TF: variants seen among roughly 807,000 people sequenced by gnomAD.
TF encodes the protein transferrin, also known as serotransferrin.
In TF, 55 loss-of-function variants were observed where a neutral mutation model predicts 82.4. The ratio of observed to expected loss-of-function variants is 0.67; its 90% confidence interval spans 0.54 to 0.84. The LOEUF (loss-of-function observed/expected upper bound fraction) is 0.84, where lower values mean the gene tolerates loss of function less well. TF is among the 40% of genes least tolerant of loss of function. TF has a pLI of 0.00. For synonymous variants in TF, 332 were observed against 332.6 expected (o/e 1.00, Z 0.02); for missense variants, 737 against 868.4 (o/e 0.85, Z 1.90).
intron 12 of TF, 139 bp from the exon 13 acceptor site, chr3:133,767,890 T>C: frequency 5.7e-6 from 6 of 1,051,406 alleles, no homozygotes; most frequent in Non-Finnish European, 8.8e-6. Flanking sequence ...GCCTGGCAAG[T>C]CCTGGGTTGG....
At chr3:133,665,327 CGTG>C in the TF span, among the ~76,000 whole-genome samples, 1 of 151,778 alleles carries the variant, frequency 6.6e-6, no homozygotes, top group Non-Finnish European at 1.5e-5. Flanking sequence ...ATGAGCTGAA[CGTG>C]GTGGCGGGCA....
At chr3:133,694,220 G>A in the TF span, 13 of 153,052 alleles carry the variant, frequency 8.5e-5, no homozygotes, top group South Asian at 6.2e-4. Context: ...GAGCAGCAGC[G>A]GCCAAGTTCT....
chr3:133,776,454 G>A (rs1389260064), intron 15 of TF, among the ~76,000 whole-genome samples: 8 of 152,268 alleles, frequency 5.3e-5, no homozygotes, highest in Middle Eastern at 6.8e-3. Context: ...AAAAATAAGA[G>A]TATATTTGAA....
chr3:133,767,819 G>C (rs1403661959), intron 12 of TF, among the ~76,000 whole-genome samples: 1 of 152,160 alleles, frequency 6.6e-6, no homozygotes, highest in Admixed American at 6.5e-5. Context: ...CCTCTGCCCT[G>C]AATTGTAATG....
the TF span, among the ~76,000 whole-genome samples, chr3:133,730,591 AG>A: frequency 6.6e-6 from 1 of 152,228 alleles, no homozygotes; most frequent in Non-Finnish European, 1.5e-5. Context: ...AGAGCTGTCA[AG>A]AACCCCACCT....
the TF span, among the ~76,000 whole-genome samples, chr3:133,729,090 G>T: frequency 6.6e-6 from 1 of 152,182 alleles, no homozygotes; most frequent in Non-Finnish European, 1.5e-5. Context: ...CAGTTAGGCT[G>T]CTTGGGGGTC....
In TF at chr3:133,790,048, T is replaced by G. The variant is rs1934794013; in HGVS notation, c.*11428T>G. 2 of 151,752 alleles carry G rather than the reference T, an allele frequency of 1.3e-5. No individual in the cohort carries two copies. The highest frequency in any genetic ancestry group is 2.9e-5 in the Non-Finnish European group (2 of 67,932). The allele number at this position is 151,752 out of a possible 1,614,324, so 9.4% of individuals were successfully genotyped here. On this transcript the variant is annotated 3_prime_UTR_variant, in exon 17 of 17. Transcript: ENST00000402696. ...TGTGGTTAACAGGGAAATAACTGAC[T>G]TTAAAAGATAGTGTCTAACATTTCG...
At chr3:133,702,277 G>C in the TF span, among the ~76,000 whole-genome samples, 2 of 147,264 alleles carry the variant, frequency 1.4e-5, no homozygotes, top group African/African-American at 4.9e-5. Flanking sequence ...GCCAATCCAA[G>C]AGCTGGACTC....
chr3:133,736,630 C>CCAAAAAAG, the TF span, among the ~76,000 whole-genome samples: 1 of 12,568 alleles, frequency 8.0e-5, no homozygotes, highest in Non-Finnish European at 1.3e-4. Context: ...AAATGGAAAG[C>CCAAAAAAG]CAAAAAAAAA....
At chr3:133,721,495 G>A in the TF span, among the ~76,000 whole-genome samples, 1,046 of 152,250 alleles carry the variant, frequency 6.9e-3, 15 homozygotes, top group African/African-American at 0.024. Context: ...GACTTGTTTT[G>A]TGGCCTAATG....
chr3:133,715,967 A>T, the TF span, among the ~76,000 whole-genome samples: 1 of 152,144 alleles, frequency 6.6e-6, no homozygotes, highest in African/African-American at 2.4e-5. Context: ...TTCCAGTGTT[A>T]ATTGATCTAC....
the TF span, among the ~76,000 whole-genome samples, chr3:133,702,750 G>A: frequency 6.6e-6 from 1 of 152,050 alleles, no homozygotes; most frequent in Non-Finnish European, 1.5e-5. Context: ...AATAAAGAAT[G>A]AAAATTTGAC....
rs1295939213 is a variant in TF at position 133,756,326 on chromosome 3, C to T, written c.680C>T (p.Ser227Leu). ...GGGGATGTGGCCTTTGTCAAGCACT[C>T]GACTATATTTGGTAAGAATGGGACA... ...GAGDVAFVKHSTIFENLANKA... is the reference protein window; with the variant it reads ...GAGDVAFVKHLTIFENLANKA... The change falls in exon 6 of 17, where the codon TCG (serine) becomes TTG (leucine). Residue 227 changes from serine (S) to leucine (L), a missense_variant. Coordinates refer to ENST00000402696, the MANE Select transcript of TF (RefSeq NM_001063.4). 5.0e-6 allele frequency: 8 copies of T among 1,613,888 alleles called. No homozygotes were observed. The highest frequency in any genetic ancestry group is 4.5e-5 in the East Asian group (2 of 44,886).
intron 5 of TF, 92 bp from the exon 6 acceptor site, chr3:133,756,190 A>T: frequency 1.6e-6 from 2 of 1,250,456 alleles, no homozygotes; most frequent in Non-Finnish European, 2.3e-6. Context: ...GCTCTATCCT[A>T]GTGTGAGTGC....
chr3:133,721,342 A>C, the TF span, among the ~76,000 whole-genome samples: 2 of 152,048 alleles, frequency 1.3e-5, no homozygotes, highest in South Asian at 4.1e-4. Context: ...TAATTTCTTC[A>C]TTGACTCACC....
In TF at chr3:133,768,784, ATTTTTTTTTT is replaced by A. The variant is rs5852766; in HGVS notation, c.1622+636_1622+645del. ...CATAGAGATACCTGTGTACCTTGCT[ATTTTTTTTTT>A]TTTTTTTTTTTTTTTGGAGACAGGA... On this transcript the variant is annotated intron_variant, in intron 13 of 16. Coordinates refer to ENST00000402696, the MANE Select transcript of TF (RefSeq NM_001063.4). Among the ~76,000 whole-genome samples, 51 of 82,162 alleles carry A rather than the reference ATTTTTTTTTT, an allele frequency of 6.2e-4. No homozygotes were observed. In the Middle Eastern group the frequency reaches 0.024, roughly 38 times the overall value. 53.9% of individuals were successfully genotyped at this position (82,162 alleles called of 152,430 possible).
chr3:133,752,222 G>A (rs1367035731), intron 2 of TF, among the ~76,000 whole-genome samples: 5 of 151,308 alleles, frequency 3.3e-5, no homozygotes, highest in African/African-American at 4.9e-5. Context: ...CTTCCCAAGT[G>A]GCTGGTATTA....
the TF span, among the ~76,000 whole-genome samples, chr3:133,726,325 C>G: frequency 2.3e-3 from 352 of 152,314 alleles, 2 homozygotes; most frequent in African/African-American, 8.3e-3. Context: ...ATTATTGCCA[C>G]AATTTCAGAG....
At chr3:133,725,748 A>G in the TF span, among the ~76,000 whole-genome samples, 1 of 152,020 alleles carries the variant, frequency 6.6e-6, no homozygotes, top group Non-Finnish European at 1.5e-5. Flanking sequence ...TTTCAAAAGG[A>G]ATGCTTCCAG....
Sources: gnomAD v4.1 joint callset for allele counts (sites outside exome capture counted in the v4.1 genomes callset) on GRCh38, gnomAD v4.1.1 for gene constraint, MANE v1.5 for transcripts, NCBI Gene and HGNC (gene_info 2026-07-23, HGNC 2026-07-21) for gene names.